DPP6: variants seen among roughly 807,000 people sequenced by gnomAD.
DPP6 encodes the protein A-type potassium channel modulatory protein DPP6.
DPP6 carries 69 observed loss-of-function variants against 122.6 expected under a neutral mutation model. The observed-to-expected ratio is 0.56, with a 90% CI of 0.46 to 0.69. The LOEUF is 0.69. Ranked by LOEUF, DPP6 falls within the 30% of genes least tolerant of loss-of-function variation. The probability of loss-of-function intolerance (pLI) is 0.00; values close to 1 mark genes in which losing one functional copy is unlikely to be tolerated. For synonymous variants in DPP6, 418 were observed against 433.1 expected (o/e 0.97, Z 0.43); for missense variants, 928 against 1,116.9 (o/e 0.83, Z 2.41).
At chr7:153,868,823 A>T in the DPP6 span, among the ~76,000 whole-genome samples, 1 of 151,932 alleles carries the variant, frequency 6.6e-6, no homozygotes, top group Non-Finnish European at 1.5e-5. Flanking sequence ...ACTGCTTTGA[A>T]TGTGTCCCAG....
At chr7:154,057,021 T>C (rs1192769141) in intron 1 of DPP6, among the ~76,000 whole-genome samples, 2 of 152,230 alleles carry the variant, frequency 1.3e-5, no homozygotes, top group African/African-American at 4.8e-5. Flanking sequence ...ACAGAATAGC[T>C]ATGGATATTG....
chr7:154,870,982 AAAATG>A (rs1804333750), intron 18 of DPP6, among the ~76,000 whole-genome samples: 2 of 135,064 alleles, frequency 1.5e-5, no homozygotes, highest in African/African-American at 5.5e-5. Context: ...AAAAAAAAAA[AAAATG>A]TGTGTGTTAT....
intron 5 of DPP6, among the ~76,000 whole-genome samples, chr7:154,633,996 CTTTCTTTTTTT>C (rs1023828675): frequency 2.1e-5 from 3 of 143,906 alleles, no homozygotes; most frequent in African/African-American, 5.5e-5. Context: ...TTGTTTCAGC[CTTTCTTTTTTT>C]TTTCTTTTTT....
At chr7:154,786,863 T>C (rs534950657) in intron 10 of DPP6, among the ~76,000 whole-genome samples, 3 of 152,202 alleles carry the variant, frequency 2.0e-5, no homozygotes, top group Non-Finnish European at 4.4e-5. Flanking sequence ...ACTGCATTTC[T>C]GAGTCTCATA....
rs371199115 is a variant in DPP6, at chr7:154,483,788, G to C, written c.457+8751G>C. ...TGGCTCACTGCAACCTCCACCTCCCGGGTTCAAGCGATTCTCCTGCCTCAG... is the reference window on the plus strand; with the variant it reads ...TGGCTCACTGCAACCTCCACCTCCCCGGTTCAAGCGATTCTCCTGCCTCAG... On this transcript the variant is annotated intron_variant, in intron 3 of 25. Coordinates refer to ENST00000377770, the MANE Select transcript of DPP6 (RefSeq NM_130797.4). The surrounding 1 kb of genome is among the most constrained non-coding windows in gnomAD (Gnocchi z 8.1). Among the ~76,000 whole-genome samples the C allele has an allele frequency of 2.6e-5, 4 of 152,220 alleles. No homozygotes were observed. The highest frequency in any genetic ancestry group is 9.6e-5 in the African/African-American group (4 of 41,556).
chr7:154,752,054 C>T (rs1052147320), intron 8 of DPP6, among the ~76,000 whole-genome samples: 1 of 152,098 alleles, frequency 6.6e-6, no homozygotes, highest in African/African-American at 2.4e-5. Flanking sequence ...CAGAGCAGGG[C>T]GTCCTTGGAA....
the DPP6 span, among the ~76,000 whole-genome samples, chr7:153,776,463 C>T: frequency 1.6e-4 from 24 of 152,230 alleles, no homozygotes; most frequent in African/African-American, 3.9e-4. Context: ...CCCCTTCCAC[C>T]GTGATTGTAA....
chr7:154,377,125 T>A (rs761002687), intron 1 of DPP6, among the ~76,000 whole-genome samples: 4 of 152,188 alleles, frequency 2.6e-5, no homozygotes, highest in Non-Finnish European at 4.4e-5. Flanking sequence ...ACAACAACTC[T>A]CTAAGGCAGG....
At chr7:154,547,808 C>T (rs1471767332) in intron 4 of DPP6, among the ~76,000 whole-genome samples, 1 of 151,970 alleles carries the variant, frequency 6.6e-6, no homozygotes, top group Non-Finnish European at 1.5e-5. Flanking sequence ...TTTCTCTCTC[C>T]TGCCTTTTCT....
chr7:154,697,667 G>A (rs1003953726), intron 7 of DPP6, among the ~76,000 whole-genome samples: 6 of 152,200 alleles, frequency 3.9e-5, no homozygotes, highest in African/African-American at 1.4e-4. Context: ...TTGATATAAA[G>A]ACTGGTTTTC....
rs757706345 is a variant in DPP6 at position 154,498,990 on chromosome 7, G to T, written c.457+23953G>T. 3.3e-5 allele frequency among the ~76,000 whole-genome samples: 5 copies of T among 152,332 alleles called. No individual in the cohort carries two copies. The South Asian group carries it at 1.0e-3, about 32-fold the overall frequency. ...AAAAGAAAAGTAGGCAGGTGAGTTT[G>T]TTGGCAGTCACAGCTCTACAGAAGC... On this transcript the variant is annotated intron_variant, in intron 3 of 25. Transcript: ENST00000377770.
In DPP6 at chr7:154,754,034, T is replaced by TA. The variant is rs35297085; in HGVS notation, c.884-15373dup. 3.7e-4 allele frequency among the ~76,000 whole-genome samples: 56 copies of TA among 149,650 alleles called. 1 individual carries two copies. Among genetic ancestry groups the TA allele is most frequent in the East Asian group, 1.8e-3 (9 of 5,108 alleles). On this transcript the variant is annotated intron_variant, in intron 8 of 25. Transcript: ENST00000377770. ...ATTTACAATTAATTAACCTTCCCCT[T>TA]AAAAAAAAAACTGGAGACCTAATTT...
At chr7:154,388,656 CTTA>C (rs1814335914) in intron 1 of DPP6, among the ~76,000 whole-genome samples, 1 of 152,020 alleles carries the variant, frequency 6.6e-6, no homozygotes, top group South Asian at 2.1e-4. Context: ...GGCTGCCTGG[CTTA>C]TGTCTAACAG....
At chr7:153,757,117 T>A in the DPP6 span, among the ~76,000 whole-genome samples, 3 of 152,206 alleles carry the variant, frequency 2.0e-5, no homozygotes, top group African/African-American at 7.2e-5. Flanking sequence ...ATGGATTTAG[T>A]CAAAAGAGAT....
chr7:153,898,460 T>C (rs754540551), intron 1 of DPP6, among the ~76,000 whole-genome samples: 3 of 151,944 alleles, frequency 2.0e-5, no homozygotes, highest in Non-Finnish European at 4.4e-5. Context: ...TGTAAAAAAA[T>C]AATAATAATT....
At chr7:154,359,633 G>T (rs1811561014) in intron 1 of DPP6, among the ~76,000 whole-genome samples, 1 of 152,162 alleles carries the variant, frequency 6.6e-6, no homozygotes, top group African/African-American at 2.4e-5. Flanking sequence ...TTTCCACCAA[G>T]ATACTTAGAA....
At chr7:153,949,250 TTACTC>T (rs1157937962) in intron 1 of DPP6, among the ~76,000 whole-genome samples, 5 of 152,170 alleles carry the variant, frequency 3.3e-5, no homozygotes, top group African/African-American at 1.2e-4. Flanking sequence ...ACTGGATCCT[TTACTC>T]TGAGAAGGAG....
chr7:154,475,939 T>A (rs74779055), intron 3 of DPP6: 3 of 152,240 alleles, frequency 2.0e-5, no homozygotes, highest in African/African-American at 7.2e-5. Context: ...AGCTGATGAG[T>A]GCGAGCTGTG....
Position 154,052,758 on chromosome 7 carries a change from G to T in DPP6, c.-63G>T. ...TAATCTGGAGCGGGGTGGGGAGTGG[G>T]AACCGGAGAGAAAGCAAAATATTAA... On this transcript the variant is annotated 5_prime_UTR_variant, in exon 1 of 26. Coordinates refer to ENST00000377770, the MANE Select transcript of DPP6 (RefSeq NM_130797.4). This position sits in a 1 kb window ranked among gnomAD's most constrained non-coding sequence, Gnocchi z 4.8. 1 of 1,399,274 alleles carries T rather than the reference G, an allele frequency of 7.1e-7. No individual in the cohort carries two copies. The allele number at this position is 1,399,274 out of a possible 1,614,324, so 86.7% of individuals were successfully genotyped here.
Sources: allele counts gnomAD v4.1 joint callset (sites outside exome capture counted in the v4.1 genomes callset), GRCh38; gene constraint gnomAD v4.1.1; non-coding constraint Gnocchi (gnomAD v3.1); transcripts MANE v1.5; gene names NCBI Gene and HGNC (gene_info 2026-07-23, HGNC 2026-07-21).